AHSA1: variants seen among roughly 807,000 people sequenced by gnomAD.
The protein encoded by AHSA1 is activator of HSP90 ATPase activity 1.
AHSA1 carries 14 observed loss-of-function variants against 46.1 expected under a neutral mutation model. That is an observed-to-expected ratio of 0.30 (90% confidence interval 0.20 to 0.47). The LOEUF (loss-of-function observed/expected upper bound fraction) is 0.47. Ranked by LOEUF, AHSA1 falls within the 20% of genes least tolerant of loss-of-function variation. The probability of loss-of-function intolerance (pLI) is 0.99; values close to 1 mark genes in which losing one functional copy is unlikely to be tolerated. For synonymous variants in AHSA1, 147 were observed against 145.8 expected (o/e 1.01, Z -0.06); for missense variants, 333 against 415.9 (o/e 0.80, Z 1.73).
At chr14:77,468,622 G>C in intron 8 of AHSA1, 114 bp downstream of exon 8, 1 of 958,852 alleles carries the variant, frequency 1.0e-6, no homozygotes, top group Non-Finnish European at 1.6e-6. Context: ...GAGTGCAGTG[G>C]CATAATCACA....
At chr14:77,459,202 A>G (rs888224983) in intron 1 of AHSA1, among the ~76,000 whole-genome samples, 6 of 152,172 alleles carry the variant, frequency 3.9e-5, no homozygotes, top group East Asian at 3.9e-4. Flanking sequence ...CACCGTGCCA[A>G]TGAGGTCAGG....
At chr14:77,462,068 A>G in intron 2 of AHSA1, 92 bp from the exon 3 acceptor site, 1 of 900,022 alleles carries the variant, frequency 1.1e-6, no homozygotes, top group Non-Finnish European at 1.8e-6. Flanking sequence ...CAGCCATCCA[A>G]AAGCAGCAGA....
rs36001778 is a variant in AHSA1 at position 77,468,562 on chromosome 14, A to ATTT, written c.844+71_844+73dup. ...CCCAGAACTTTTTCTCTTTGCTGTA[A>ATTT]TTTTTTTTTTTTTTTTTTTGGAAAC... is the stretch of plus-strand genomic sequence containing the variant. On this transcript the variant is annotated intron_variant, in intron 8 of 8. Coordinates refer to ENST00000216479, the MANE Select transcript of AHSA1 (RefSeq NM_012111.3). 5.6e-3 allele frequency: 6,085 copies of ATTT among 1,082,918 alleles called. 1 individual carries two copies. Among genetic ancestry groups the ATTT allele is most frequent in the Non-Finnish European group, 6.4e-3 (4,911 of 767,220 alleles). 67.1% of individuals were successfully genotyped at this position (1,082,918 alleles called of 1,614,324 possible).
upstream of AHSA1, chr14:77,457,987 G>A (rs1449569570): frequency 5.6e-6 from 3 of 531,366 alleles, no homozygotes; most frequent in Middle Eastern, 4.8e-4. Flanking sequence ...CCCACGGTGC[G>A]GCGAGTTGGG....
At chr14:77,458,407 A>G (rs940787283) in intron 1 of AHSA1, 138 bp downstream of exon 1, 2 of 807,560 alleles carry the variant, frequency 2.5e-6, no homozygotes, top group Non-Finnish European at 3.8e-6. Context: ...TTCCTGTGGC[A>G]GGGGTCCGTA....
In AHSA1 at chr14:77,468,107, C is replaced by A; in HGVS notation, c.715C>A (p.Pro239Thr). The A allele has an allele frequency of 6.6e-7, 1 of 1,524,868 alleles. No homozygotes were observed. Among genetic ancestry groups the A allele is most frequent in the East Asian group, 2.4e-5 (1 of 41,456 alleles). The allele number at this position is 1,524,868 out of a possible 1,614,324, so 94.5% of individuals were successfully genotyped here. A position where few individuals can be genotyped will look rare whatever the true frequency, so the allele number is the denominator to read the frequency against. The change falls in exon 7 of 9, where the codon CCT becomes ACT. Residue 239 changes from proline to threonine, a missense_variant. Physicochemically the swap from Pro to Thr is conservative, Grantham distance 38 (BLOSUM62 -1). Coordinates refer to ENST00000216479, the MANE Select transcript of AHSA1 (RefSeq NM_012111.3). The part of the protein sequence containing the change: ...QELVQAFTHA[P>T]ATLEADRGGK... Reference sequence around the variant, plus strand: ...GCTGGTGCAGGCCTTTACCCATGCTCCTGCAACATTAGAAGCAGACAGAGG... The same window carrying A: ...GCTGGTGCAGGCCTTTACCCATGCTACTGCAACATTAGAAGCAGACAGAGG...
chr14:77,461,532 G>A (rs958785736), intron 2 of AHSA1, among the ~76,000 whole-genome samples: 9 of 152,074 alleles, frequency 5.9e-5, no homozygotes, highest in Admixed American at 2.6e-4. Context: ...TCTGTCTTGC[G>A]GGGGGAAAAG....
At chr14:77,467,410 AG>A (rs1237906190) in intron 6 of AHSA1, among the ~76,000 whole-genome samples, 1 of 151,430 alleles carries the variant, frequency 6.6e-6, no homozygotes, top group African/African-American at 2.4e-5. Flanking sequence ...AAAAAATAAA[AG>A]GGCTGGGCGC....
In AHSA1 at chr14:77,469,339, AGCT is replaced by A; in HGVS notation, c.*94_*96del. ...GCGACTCACAGGATTGCATCGTCCC[AGCT>A]GCTAACTTGGGGCCGGGGCCCCTCC... On this transcript the variant is annotated 3_prime_UTR_variant, in exon 9 of 9. Transcript: ENST00000216479. 6.6e-7 allele frequency: 1 copy of A among 1,507,700 alleles called. No homozygotes were observed. Among genetic ancestry groups the A allele is most frequent in the South Asian group, 1.3e-5 (1 of 77,524 alleles). The allele number at this position is 1,507,700 out of a possible 1,614,324, so 93.4% of individuals were successfully genotyped here.
chr14:77,460,683 A>G (rs2079018345), intron 2 of AHSA1, among the ~76,000 whole-genome samples: 1 of 151,148 alleles, frequency 6.6e-6, no homozygotes, highest in Non-Finnish European at 1.5e-5. Context: ...CTCCTGCCTC[A>G]GCCTCCCAAG....
intron 1 of AHSA1, 127 bp from the exon 2 acceptor site, chr14:77,459,489 T>C: frequency 1.2e-6 from 1 of 849,126 alleles, no homozygotes; most frequent in Non-Finnish European, 1.9e-6. Flanking sequence ...CATACTGGAG[T>C]GCGACTGGGA....
intron 3 of AHSA1, 30 bp downstream of exon 3, chr14:77,462,272 C>T: frequency 1.3e-6 from 2 of 1,565,092 alleles, no homozygotes; most frequent in Non-Finnish European, 1.8e-6. Context: ...TAATCCGAGT[C>T]CTCTATATCC....
chr14:77,469,378 T>G lies in AHSA1; in HGVS notation c.*129T>G. On this transcript the variant is annotated 3_prime_UTR_variant, in exon 9 of 9. Coordinates refer to ENST00000216479, the MANE Select transcript of AHSA1 (RefSeq NM_012111.3). ...GGCCGGGGCCCCTCCCTTCCACATATACCTTGGGTTTGTGCATGTTTTCTG... is the reference window on the plus strand; with the variant it reads ...GGCCGGGGCCCCTCCCTTCCACATAGACCTTGGGTTTGTGCATGTTTTCTG... The G allele has an allele frequency of 2.7e-6, 3 of 1,106,264 alleles. No individual in the cohort carries two copies. Among genetic ancestry groups the G allele is most frequent in the South Asian group, 1.6e-5 (1 of 64,516 alleles). 68.5% of individuals were successfully genotyped at this position (1,106,264 alleles called of 1,614,324 possible).
intron 4 of AHSA1, 156 bp downstream of exon 4, chr14:77,462,915 G>T: frequency 1.6e-6 from 1 of 635,940 alleles, no homozygotes; most frequent in Non-Finnish European, 2.8e-6. Context: ...CTCGGAGTAA[G>T]GGAAAGATCT....
At chr14:77,468,624 A>G in intron 8 of AHSA1, 116 bp downstream of exon 8, 1 of 935,840 alleles carries the variant, frequency 1.1e-6, no homozygotes, top group Non-Finnish European at 1.6e-6. Flanking sequence ...GTGCAGTGGC[A>G]TAATCACAGC....
At chr14:77,465,790 G>T (rs2079045578) in intron 6 of AHSA1, 123 bp downstream of exon 6, 9 of 994,116 alleles carry the variant, frequency 9.1e-6, no homozygotes, top group Non-Finnish European at 1.3e-5. Flanking sequence ...GAGCCATGAG[G>T]CCTTCATCAA....
intron 4 of AHSA1, 57 bp from the exon 5 acceptor site, chr14:77,464,541 C>T (rs1359026710): frequency 2.1e-6 from 3 of 1,436,464 alleles, no homozygotes; most frequent in Non-Finnish European, 2.9e-6. Context: ...TGTAATGAAA[C>T]TCCAGATCTC....
chr14:77,462,549 A>T, intron 3 of AHSA1, 93 bp from the exon 4 acceptor site: 1 of 1,170,146 alleles, frequency 8.5e-7, no homozygotes, highest in Admixed American at 1.7e-5. Flanking sequence ...TTCCTTTGGA[A>T]ATGTCAGCAG....
intron 6 of AHSA1, 31 bp from the exon 7 acceptor site, chr14:77,468,048 CCTCT>C (rs750262183): frequency 2.0e-6 from 2 of 1,022,866 alleles, no homozygotes. Flanking sequence ...GTATCTTCTG[CCTCT>C]TTTTTTTTTT....
Sources: allele counts gnomAD v4.1 joint callset (sites outside exome capture counted in the v4.1 genomes callset), GRCh38; gene constraint gnomAD v4.1.1; transcripts MANE v1.5; gene names NCBI Gene and HGNC (gene_info 2026-07-23, HGNC 2026-07-21).